PCDHGA11: variants seen among roughly 807,000 people sequenced by gnomAD.
PCDHGA11 encodes the protein protocadherin gamma subfamily A, 11, also known as protocadherin gamma-A11.
In PCDHGA11, 39 loss-of-function variants were observed where a neutral mutation model predicts 60.4. The ratio of observed to expected loss-of-function variants is 0.65; its 90% CI spans 0.50 to 0.84. The LOEUF is 0.84. PCDHGA11 is among the 40% of genes least tolerant of loss of function. The probability of loss-of-function intolerance (pLI) is 0.00; values close to 1 mark genes in which losing one functional copy is unlikely to be tolerated. For missense variants in PCDHGA11, 1,165 were observed against 1,197.7 expected, an observed-to-expected ratio of 0.97 and a Z score of 0.40; for synonymous variants, 533 against 510.3, an observed-to-expected ratio of 1.04 and a Z score of -0.60.
chr5:141,509,638 A>G (rs1204228233), intron 3 of PCDHGA11, among the ~76,000 whole-genome samples: 1 of 152,174 alleles, frequency 6.6e-6, no homozygotes, highest in Admixed American at 6.5e-5. Flanking sequence ...ATGCTGAGCC[A>G]GGGCCAGAGT....
intron 1 of PCDHGA11, among the ~76,000 whole-genome samples, chr5:141,466,884 T>G (rs901947336): frequency 2.6e-5 from 4 of 152,212 alleles, no homozygotes; most frequent in Admixed American, 1.3e-4. Flanking sequence ...TTTCATAATA[T>G]GCATTTTCCA....
In PCDHGA11 at chr5:141,431,620, G is replaced by T; in HGVS notation, c.2433+7960G>T. 6.2e-7 allele frequency: 1 copy of T among 1,614,232 alleles called. No individual in the cohort carries two copies. The highest frequency in any genetic ancestry group is 8.5e-7 in the Non-Finnish European group (1 of 1,180,050). Reference sequence around the variant, plus strand: ...ATTCCTTCCGGTATGTGGACGACAAGGCGGCCCAAGTTTTCAAACTAGATT... The same window carrying T: ...ATTCCTTCCGGTATGTGGACGACAATGCGGCCCAAGTTTTCAAACTAGATT... On this transcript the variant is annotated intron_variant, in intron 1 of 3. Transcript: ENST00000398587. The surrounding 1 kb of genome is among the most constrained non-coding windows in gnomAD (Gnocchi z 4.8).
intron 1 of PCDHGA11, chr5:141,428,212 C>A (rs1295973505): frequency 8.0e-7 from 1 of 1,255,000 alleles, no homozygotes; most frequent in Non-Finnish European, 1.1e-6. Context: ...TACGCTTCAC[C>A]TAGTCTTCGC....
Position 141,489,213 on chromosome 5 carries a change from T to G in PCDHGA11, c.2434-5594T>G, listed in dbSNP as rs372898969. 11 of 1,473,392 alleles carry G rather than the reference T, an allele frequency of 7.5e-6. No homozygotes were observed. The highest frequency in any genetic ancestry group is 6.4e-6 in the Non-Finnish European group (7 of 1,091,332). 91.3% of individuals were successfully genotyped at this position (1,473,392 alleles called of 1,614,324 possible). On this transcript the variant is annotated intron_variant, in intron 1 of 3. Coordinates refer to ENST00000398587, the MANE Select transcript of PCDHGA11 (RefSeq NM_018914.3). This position sits in a 1 kb window ranked among gnomAD's most constrained non-coding sequence, Gnocchi z 4.5. Reference sequence around the variant, plus strand: ...ACCTTGGAGACAGGACAGCACAGACTTACTCTCCACAAAGGGACTTCTGGG... The same window carrying G: ...ACCTTGGAGACAGGACAGCACAGACGTACTCTCCACAAAGGGACTTCTGGG...
In PCDHGA11 at chr5:141,421,825, AG is replaced by A; in HGVS notation, c.599del (p.Ser200ThrfsTer17). ...AKNPELVLEG[S>X]LDREKEAAHL... is the part of the protein sequence containing the mutation. ...GAATCCAGAGCTAGTACTGGAGGGAAGCCTGGACCGAGAGAAAGAGGCTGCT... is the reference window on the plus strand; with the variant it reads ...GAATCCAGAGCTAGTACTGGAGGGAACCTGGACCGAGAGAAAGAGGCTGCT... On this transcript the variant is annotated frameshift_variant, in exon 1 of 4. Transcript: ENST00000398587. LOFTEE classifies it high-confidence loss of function. 6.2e-7 allele frequency: 1 copy of A among 1,613,802 alleles called. No homozygotes were observed.
At chr5:141,480,982 C>T (rs1258067957) in intron 1 of PCDHGA11, among the ~76,000 whole-genome samples, 1 of 152,150 alleles carries the variant, frequency 6.6e-6, no homozygotes, top group African/African-American at 2.4e-5. Context: ...TCAGTGAACC[C>T]AGGATGTGGA....
At chr5:141,433,391 CTA>C (rs1477426085) in intron 1 of PCDHGA11, among the ~76,000 whole-genome samples, 3 of 151,570 alleles carry the variant, frequency 2.0e-5, no homozygotes, top group African/African-American at 7.3e-5. Context: ...ATCTATCTAT[CTA>C]TCTATCTATC....
chr5:141,494,556 T>C (rs909822734), intron 1 of PCDHGA11, among the ~76,000 whole-genome samples: 18 of 152,120 alleles, frequency 1.2e-4, no homozygotes, highest in African/African-American at 4.3e-4. Context: ...GCCATTTCTT[T>C]AGGAAAGGAG....
intron 1 of PCDHGA11, among the ~76,000 whole-genome samples, chr5:141,483,658 G>C (rs906346163): frequency 1.4e-4 from 22 of 152,028 alleles, no homozygotes; most frequent in Non-Finnish European, 2.4e-4. Context: ...TTGTGTGTGT[G>C]TGTGTGTGTG....
At chr5:141,452,948 G>A (rs2098752873) in intron 1 of PCDHGA11, among the ~76,000 whole-genome samples, 1 of 152,134 alleles carries the variant, frequency 6.6e-6, no homozygotes, top group African/African-American at 2.4e-5. Context: ...CTTGCAATTG[G>A]TTGTCTTTAA....
chr5:141,489,042 A>T lies in PCDHGA11; in HGVS notation c.2434-5765A>T. On this transcript the variant is annotated intron_variant, in intron 1 of 3. Coordinates refer to ENST00000398587, the MANE Select transcript of PCDHGA11 (RefSeq NM_018914.3). This position sits in a 1 kb window ranked among gnomAD's most constrained non-coding sequence, Gnocchi z 4.5. ...TCTCCTCCTCCAGCTCCCCAGCTCCACTCAAATTCAGCTCCCCTCCCCCCT... is the reference window on the plus strand; with the variant it reads ...TCTCCTCCTCCAGCTCCCCAGCTCCTCTCAAATTCAGCTCCCCTCCCCCCT... The T allele has an allele frequency of 4.2e-6, 2 of 473,800 alleles. No individual in the cohort carries two copies. The highest frequency in any genetic ancestry group is 3.7e-6 in the Non-Finnish European group (1 of 270,920). 29.3% of individuals were successfully genotyped at this position (473,800 alleles called of 1,614,324 possible).
chr5:141,484,123 T>C (rs2099592351), intron 1 of PCDHGA11, among the ~76,000 whole-genome samples: 1 of 152,174 alleles, frequency 6.6e-6, no homozygotes, highest in South Asian at 2.1e-4. Flanking sequence ...AAGAATACCT[T>C]GGTGTCAGAT....
chr5:141,438,599 T>C (rs1320902737), intron 1 of PCDHGA11, among the ~76,000 whole-genome samples: 17 of 32,510 alleles, frequency 5.2e-4, no homozygotes, highest in African/African-American at 6.7e-4. Flanking sequence ...TACATATATA[T>C]ATATATATAT....
At chr5:141,464,035 C>T (rs564886798) in intron 1 of PCDHGA11, among the ~76,000 whole-genome samples, 1 of 152,066 alleles carries the variant, frequency 6.6e-6, no homozygotes, top group African/African-American at 2.4e-5. Context: ...GAGGCCAAGG[C>T]GGGTGGATCA....
At chr5:141,451,127 CT>C (rs1264048458) in intron 1 of PCDHGA11, among the ~76,000 whole-genome samples, 1 of 152,132 alleles carries the variant, frequency 6.6e-6, no homozygotes, top group Non-Finnish European at 1.5e-5. Context: ...CACACCCAGC[CT>C]TATGATTGTA....
chr5:141,475,486 T>G (rs576743657), intron 1 of PCDHGA11, among the ~76,000 whole-genome samples: 1 of 152,252 alleles, frequency 6.6e-6, no homozygotes, highest in Non-Finnish European at 1.5e-5. Flanking sequence ...TGGTAAGAGA[T>G]AAAACTGAAA....
intron 3 of PCDHGA11, 89 bp from the exon 4 acceptor site, chr5:141,510,858 T>C (rs992991460): frequency 5.8e-5 from 93 of 1,606,182 alleles, no homozygotes; most frequent in South Asian, 1.0e-4. Flanking sequence ...GGGTGCTGTA[T>C]AGGCATTCAT....
At chr5:141,448,263 A>G (rs2098578874) in intron 1 of PCDHGA11, among the ~76,000 whole-genome samples, 1 of 152,088 alleles carries the variant, frequency 6.6e-6, no homozygotes, top group Non-Finnish European at 1.5e-5. Flanking sequence ...ATTTTACAGT[A>G]TATATACTGT....
At chr5:141,465,032 A>C (rs2154568703) in intron 1 of PCDHGA11, among the ~76,000 whole-genome samples, 1 of 151,870 alleles carries the variant, frequency 6.6e-6, no homozygotes, top group Admixed American at 6.6e-5. Context: ...ATGAACCACC[A>C]CAAATGACCC....
Sources: gnomAD v4.1 joint callset for allele counts (sites outside exome capture counted in the v4.1 genomes callset) on GRCh38, gnomAD v4.1.1 for gene constraint, Gnocchi (gnomAD v3.1) non-coding constraint, MANE v1.5 for transcripts, NCBI Gene and HGNC (gene_info 2026-07-23, HGNC 2026-07-21) for gene names.